SNX6: variants seen among roughly 807,000 people sequenced by gnomAD.
The protein encoded by SNX6 is sorting nexin 6, also known as sorting nexin-6.
Under a neutral mutation model 63.0 loss-of-function variants are expected in SNX6, and 34 were observed. The ratio of observed to expected loss-of-function variants is 0.54; its 90% confidence interval spans 0.41 to 0.72. SNX6 has a LOEUF of 0.72. Among genes scored for constraint, SNX6 ranks in the 30% least tolerant of loss-of-function variants. The pLI is 0.00. For missense variants in SNX6, 398 were observed against 471.4 expected, an observed-to-expected ratio of 0.84 and a Z score of 1.44; for synonymous variants, 170 against 164.2, an observed-to-expected ratio of 1.04 and a Z score of -0.27.
At chr14:34,567,020 C>T (rs1409484872) in intron 13 of SNX6, among the ~76,000 whole-genome samples, 5 of 151,968 alleles carry the variant, frequency 3.3e-5, no homozygotes, top group East Asian at 3.9e-4. Flanking sequence ...GTCAGGAGTT[C>T]GAGACCAGTC....
chr14:34,613,831 G>A (rs1266590079), intron 2 of SNX6, among the ~76,000 whole-genome samples: 3 of 151,450 alleles, frequency 2.0e-5, no homozygotes, highest in Non-Finnish European at 2.9e-5. Flanking sequence ...ATCTGGGGCC[G>A]CGTGTGGTGG....
intron 11 of SNX6, 67 bp downstream of exon 11, chr14:34,575,689 T>A: frequency 1.4e-6 from 1 of 726,138 alleles, no homozygotes; most frequent in Non-Finnish European, 2.3e-6. Context: ...ATTAACAATC[T>A]GAAGTCTAAC....
chr14:34,606,011 C>T (rs1199809002), intron 4 of SNX6, among the ~76,000 whole-genome samples: 1 of 151,148 alleles, frequency 6.6e-6, no homozygotes, highest in Non-Finnish European at 1.5e-5. Flanking sequence ...CCGTCTCTAC[C>T]AAAAATACAA....
At chr14:34,587,686 C>T (rs998896391) in intron 8 of SNX6, among the ~76,000 whole-genome samples, 12 of 151,796 alleles carry the variant, frequency 7.9e-5, no homozygotes, top group African/African-American at 2.4e-4. Flanking sequence ...GGCATGAGCA[C>T]GGTGGCATGA....
At chr14:34,594,953 G>A (rs1472435558) in intron 7 of SNX6, among the ~76,000 whole-genome samples, 2 of 151,990 alleles carry the variant, frequency 1.3e-5, no homozygotes, top group Non-Finnish European at 2.9e-5. Flanking sequence ...TTAGCTGGGT[G>A]TGATGGCACG....
intron 11 of SNX6, among the ~76,000 whole-genome samples, chr14:34,572,542 ATAATT>A (rs1881491995): frequency 6.6e-6 from 1 of 152,232 alleles, no homozygotes. Context: ...AGGGTTATAG[ATAATT>A]TAATAAAAAT....
At chr14:34,593,276 A>G (rs1377349945) in intron 7 of SNX6, 126 bp from the exon 8 acceptor site, 2 of 594,140 alleles carry the variant, frequency 3.4e-6, no homozygotes, top group Non-Finnish European at 5.8e-6. Context: ...GTCAGATGTT[A>G]TTATACTAAT....
intron 7 of SNX6, among the ~76,000 whole-genome samples, chr14:34,596,568 G>A (rs565128662): frequency 3.0e-4 from 43 of 143,140 alleles, no homozygotes; most frequent in Non-Finnish European, 6.1e-4. Context: ...GCAGTGAGCC[G>A]AGATTATGCC....
At chr14:34,567,630 G>C in intron 13 of SNX6, 56 bp downstream of exon 13, 1 of 1,317,664 alleles carries the variant, frequency 7.6e-7, no homozygotes, top group African/African-American at 1.5e-5. Context: ...TGTCATAACT[G>C]ATTCATTTCT....
chr14:34,616,504 G>A (rs539993514), intron 2 of SNX6, among the ~76,000 whole-genome samples: 15 of 151,922 alleles, frequency 9.9e-5, no homozygotes, highest in Non-Finnish European at 1.6e-4. Context: ...CAGGTAGCTG[G>A]GACTACAGGC....
At position 34,562,697 on chromosome 14, in the gene SNX6, A is replaced by T. The variant is rs1401272600; in HGVS notation, c.*425T>A. 1 of 155,098 alleles carries T rather than the reference A, an allele frequency of 6.4e-6. No homozygotes were observed. The highest frequency in any genetic ancestry group is 1.4e-5 in the Non-Finnish European group (1 of 70,154). The allele number at this position is 155,098 out of a possible 1,614,324, so 9.6% of individuals were successfully genotyped here. A position where few individuals can be genotyped will look rare whatever the true frequency, so the allele number is the denominator to read the frequency against. On this transcript the variant is annotated 3_prime_UTR_variant, in exon 14 of 14. Transcript: ENST00000362031. ...ATGAACTAAGGTGGTATATGCTTTT[A>T]AAAACAAAATTTAAAAAATTCAAAA...
In SNX6 at chr14:34,583,437, CTTTTTTTTT is replaced by C. The variant is rs34703258; in HGVS notation, c.795-1846_795-1838del. Reference sequence around the variant, plus strand: ...GTAGAAATTGGTTATTCATTTTTTTCTTTTTTTTTTTTTTGAGATGGGCTATCATTCTGT... The same window carrying C: ...GTAGAAATTGGTTATTCATTTTTTTCTTTTTGAGATGGGCTATCATTCTGT... On this transcript the variant is annotated intron_variant, in intron 9 of 13. Transcript: ENST00000362031. Among the ~76,000 whole-genome samples the C allele has an allele frequency of 4.6e-5, 5 of 108,072 alleles. No homozygotes were observed. The East Asian group carries it at 1.0e-3, about 23-fold the overall frequency. 70.9% of individuals were successfully genotyped at this position (108,072 alleles called of 152,430 possible).
At chr14:34,592,910 A>C in intron 8 of SNX6, 135 bp downstream of exon 8, 1 of 639,008 alleles carries the variant, frequency 1.6e-6, no homozygotes, top group Non-Finnish European at 2.7e-6. Flanking sequence ...CTCACTATAA[A>C]AGGGCCATGG....
chr14:34,563,297 GC>G, intron 13 of SNX6, 122 bp from the exon 14 acceptor site: 1 of 872,562 alleles, frequency 1.1e-6, no homozygotes, highest in Non-Finnish European at 1.8e-6. Context: ...GGTGGCTCAT[GC>G]CTGTAATCCC....
chr14:34,582,901 G>C (rs1279411180), intron 9 of SNX6, among the ~76,000 whole-genome samples: 1 of 151,802 alleles, frequency 6.6e-6, no homozygotes, highest in African/African-American at 2.4e-5. Flanking sequence ...CTCACTTGAG[G>C]CCAGGAGTTT....
chr14:34,615,645 G>A (rs763339143), intron 2 of SNX6, among the ~76,000 whole-genome samples: 2 of 151,658 alleles, frequency 1.3e-5, no homozygotes, highest in South Asian at 2.1e-4. Flanking sequence ...ACAGAGTCTC[G>A]CTGTGTTGCC....
rs188436518 is a variant in SNX6 at position 34,606,061 on chromosome 14, C to T, written c.271-344G>A. Among the ~76,000 whole-genome samples the T allele has an allele frequency of 6.3e-4, 95 of 151,774 alleles. 1 individual carries two copies. The highest frequency in any genetic ancestry group is 1.9e-3 in the African/African-American group (78 of 41,400). The stretch of plus-strand genomic sequence containing the variant: ...TGGTGGCAGGCACCTGTAATCCCAG[C>T]GACTCGGGAGGCTGAGGCATGAGAA... On this transcript the variant is annotated intron_variant, in intron 4 of 13. Transcript: ENST00000362031.
intron 8 of SNX6, among the ~76,000 whole-genome samples, chr14:34,587,027 A>C (rs1882192631): frequency 6.7e-6 from 1 of 149,838 alleles, no homozygotes; most frequent in African/African-American, 2.5e-5. Flanking sequence ...AAAAAAAAAA[A>C]AAAAAACAAC....
At chr14:34,629,357 T>TC in intron 2 of SNX6, 1 of 371,282 alleles carries the variant, frequency 2.7e-6, no homozygotes. Context: ...AAAGTAAAGA[T>TC]ACCATGGGCT....
Sources: allele counts gnomAD v4.1 joint callset (sites outside exome capture counted in the v4.1 genomes callset), GRCh38; gene constraint gnomAD v4.1.1; transcripts MANE v1.5; gene names NCBI Gene and HGNC (gene_info 2026-07-23, HGNC 2026-07-21).